CHRNA5: variants seen among roughly 807,000 people sequenced by gnomAD.
CHRNA5 encodes cholinergic receptor nicotinic alpha 5 subunit.
Under a neutral mutation model 41.2 loss-of-function variants are expected in CHRNA5, and 28 were observed. The ratio of observed to expected loss-of-function variants is 0.68; its 90% CI spans 0.50 to 0.93. The LOEUF (loss-of-function observed/expected upper bound fraction) is 0.93. Among genes scored for constraint, CHRNA5 ranks in the 40% least tolerant of loss-of-function variants. CHRNA5 has a pLI of 0.00. For missense variants in CHRNA5, 481 were observed against 581.9 expected (o/e 0.83, Z 1.78); for synonymous variants, 188 against 205.8 (o/e 0.91, Z 0.74).
At chr15:78,585,725 A>G (rs1230899591) in intron 2 of CHRNA5, among the ~76,000 whole-genome samples, 1 of 151,868 alleles carries the variant, frequency 6.6e-6, no homozygotes, top group East Asian at 1.9e-4. Flanking sequence ...AGGCACGAAA[A>G]GCTTTATGAA....
rs772437201 is a variant in CHRNA5 at position 78,590,502 on chromosome 15, G to C, written c.1111G>C (p.Asp371His). The change falls in exon 5 of 6, where the codon GAC becomes CAC. Residue 371 changes from aspartate to histidine, a missense_variant. Asp to His is a moderately conservative substitution (Grantham distance 81, BLOSUM62 -1). Coordinates refer to ENST00000299565, the Ensembl canonical transcript of CHRNA5. ...ACTGCTTTGCATGAGAAGTCATGTAGACAGGTACTTCACTCAGAAAGAGGA... is the reference window on the plus strand; with the variant it reads ...ACTGCTTTGCATGAGAAGTCATGTACACAGGTACTTCACTCAGAAAGAGGA... 2.1e-5 allele frequency: 34 copies of C among 1,614,174 alleles called. No individual in the cohort carries two copies. The South Asian group carries it at 3.4e-4, about 16-fold the overall frequency.
intron 1 of CHRNA5, among the ~76,000 whole-genome samples, chr15:78,568,585 T>A (rs1011368687): frequency 6.6e-6 from 1 of 152,146 alleles, no homozygotes; most frequent in East Asian, 1.9e-4. Flanking sequence ...CATCTAGGTT[T>A]TAAGCCCCAC....
rs200452970 is a variant in CHRNA5 at position 78,567,263 on chromosome 15, A to AAG, written c.106+1439_106+1440insGA. 8.8e-3 allele frequency among the ~76,000 whole-genome samples: 1,300 copies of AAG among 147,078 alleles called. 133 individuals carry two copies. The East Asian group carries it at 0.23, about 26-fold the overall frequency. ...GCGAGACTCCGTCTCAAAAAAAAAA[A>AAG]AAAAGAAAAGAAAAGAAATGGGGGT... On this transcript the variant is annotated intron_variant, in intron 1 of 5. Coordinates refer to ENST00000299565, the Ensembl canonical transcript of CHRNA5.
chr15:78,574,442 G>GA (rs1361697676), intron 1 of CHRNA5, among the ~76,000 whole-genome samples: 8 of 149,070 alleles, frequency 5.4e-5, no homozygotes, highest in South Asian at 2.1e-4. Context: ...TAGTGAAGAA[G>GA]GTTTTTTTAA....
intron 1 of CHRNA5, among the ~76,000 whole-genome samples, chr15:78,574,692 AT>A (rs1343128744): frequency 1.3e-5 from 2 of 152,106 alleles, no homozygotes; most frequent in Admixed American, 6.6e-5. Flanking sequence ...AGGCTAGAAA[AT>A]TGTGGGCCAG....
chr15:78,590,018 G>A, exon 5 of CHRNA5: 1 of 1,614,190 alleles, frequency 6.2e-7, no homozygotes, highest in Non-Finnish European at 8.5e-7. Context: ...ATGTAGACAA[G>A]AGAGATTTTT....
chr15:78,572,377 A>C (rs1001761753), intron 1 of CHRNA5, among the ~76,000 whole-genome samples: 1 of 152,240 alleles, frequency 6.6e-6, no homozygotes, highest in Non-Finnish European at 1.5e-5. Flanking sequence ...TGAAAACTTA[A>C]ATAAAGTCTA....
chr15:78,573,160 G>C (rs1287208408), intron 1 of CHRNA5, among the ~76,000 whole-genome samples: 1 of 152,172 alleles, frequency 6.6e-6, no homozygotes, highest in Non-Finnish European at 1.5e-5. Context: ...CATGTGGGGC[G>C]GTGGTATGTC....
At chr15:78,567,037 G>A (rs940451685) in intron 1 of CHRNA5, among the ~76,000 whole-genome samples, 3 of 152,124 alleles carry the variant, frequency 2.0e-5, no homozygotes, top group Admixed American at 2.0e-4. Context: ...CAGATCACGA[G>A]GTCAGGAGAT....
intron 1 of CHRNA5, among the ~76,000 whole-genome samples, chr15:78,570,408 G>T (rs962099543): frequency 1.6e-5 from 2 of 125,436 alleles, no homozygotes; most frequent in African/African-American, 6.2e-5. Context: ...ACAGGCATGT[G>T]CCACCAATCC....
intron 2 of CHRNA5, among the ~76,000 whole-genome samples, chr15:78,581,801 GAAT>G (rs1039068950): frequency 6.6e-6 from 1 of 152,082 alleles, no homozygotes; most frequent in African/African-American, 2.4e-5. Flanking sequence ...TACAAAATTG[GAAT>G]AATATTTTAG....
chr15:78,571,577 CCTT>C (rs2052805364), intron 1 of CHRNA5, among the ~76,000 whole-genome samples: 1 of 119,694 alleles, frequency 8.4e-6, no homozygotes, highest in Non-Finnish European at 1.6e-5. Flanking sequence ...TGATGCTCTG[CCTT>C]TTTTTTTTTT....
intron 1 of CHRNA5, among the ~76,000 whole-genome samples, chr15:78,568,902 G>A (rs1280944805): frequency 2.0e-5 from 3 of 152,052 alleles, no homozygotes; most frequent in African/African-American, 7.2e-5. Flanking sequence ...AAATGAAATA[G>A]GAAAATGAAA....
intron 1 of CHRNA5, among the ~76,000 whole-genome samples, chr15:78,570,357 C>T (rs1237778788): frequency 2.0e-5 from 3 of 150,864 alleles, no homozygotes; most frequent in Non-Finnish European, 4.4e-5. Context: ...CTCCTGGGTC[C>T]AAATGATTCT....
At chr15:78,586,509 A>G in intron 2 of CHRNA5, 136 bp from the exon 3 acceptor site, 1 of 562,434 alleles carries the variant, frequency 1.8e-6, no homozygotes, top group Middle Eastern at 4.8e-4. Context: ...CTAGCTTTCT[A>G]GAGAACCAGA....
intron 3 of CHRNA5, among the ~76,000 whole-genome samples, chr15:78,587,477 G>A (rs76312095): frequency 0.039 from 5,924 of 152,188 alleles, 354 homozygotes; most frequent in African/African-American, 0.12. Flanking sequence ...TTCTGAGCTG[G>A]TGTGTGCCTA....
chr15:78,594,430 A>G (rs1215419710), exon 6 of CHRNA5: 2 of 152,180 alleles, frequency 1.3e-5, no homozygotes, highest in African/African-American at 2.4e-5. Flanking sequence ...TAATCCAAGC[A>G]CTTTGGGAGG....
chr15:78,593,198 T>C (rs959165006), exon 6 of CHRNA5: 1 of 1,613,746 alleles, frequency 6.2e-7, no homozygotes, highest in Non-Finnish European at 8.5e-7. Context: ...GTTCCTGTTA[T>C]TTATAAATGG....
chr15:78,592,100 G>GGCGT (rs1377644736), intron 5 of CHRNA5, among the ~76,000 whole-genome samples: 1 of 152,108 alleles, frequency 6.6e-6, no homozygotes, highest in Admixed American at 6.6e-5. Flanking sequence ...GAGGCAGGTG[G>GGCGT]ATCACGAGGT....
Sources: allele counts gnomAD v4.1 joint callset (sites outside exome capture counted in the v4.1 genomes callset), GRCh38; gene constraint gnomAD v4.1.1; transcripts MANE v1.5; gene names NCBI Gene and HGNC (gene_info 2026-07-23, HGNC 2026-07-21).